Variants in GPHN observed in about 807,000 individuals in gnomAD.
GPHN encodes gephyrin.
A neutral mutation model predicts 95.5 loss-of-function variants in GPHN; 17 were observed. The observed-to-expected ratio is 0.18, with a 90% CI of 0.12 to 0.27. GPHN has a LOEUF of 0.27. Among genes scored for constraint, GPHN ranks in the 10% least tolerant of loss-of-function variants. The probability of loss-of-function intolerance (pLI) is 1.00; values close to 1 mark genes in which losing one functional copy is unlikely to be tolerated. For synonymous variants in GPHN, 320 were observed against 322.5 expected (o/e 0.99, Z 0.08); for missense variants, 660 against 978.1 (o/e 0.67, Z 4.34).
intron 9 of GPHN, among the ~76,000 whole-genome samples, chr14:67,010,039 G>A (rs1594804226): frequency 6.6e-6 from 1 of 151,936 alleles, no homozygotes. Flanking sequence ...GATTACAGAC[G>A]TGAGCCACCA....
chr14:66,678,418 C>T (rs193230603), intron 1 of GPHN, among the ~76,000 whole-genome samples: 15 of 149,622 alleles, frequency 1.0e-4, no homozygotes, highest in East Asian at 3.9e-4. Context: ...TCTTGAGTTC[C>T]GGGATTTCTG....
At chr14:67,392,665 A>T in the GPHN span, 1 of 1,608,744 alleles carries the variant, frequency 6.2e-7, no homozygotes, top group Non-Finnish European at 8.5e-7. Context: ...AACTTACAAA[A>T]GTGTACAGGG....
chr14:67,241,621 G>C, the GPHN span: 1 of 152,548 alleles, frequency 6.6e-6, no homozygotes, highest in Non-Finnish European at 1.5e-5. Flanking sequence ...GGGCGGCCGG[G>C]CTCCCCTTCC....
chr14:66,885,727 A>G (rs1343991655), intron 5 of GPHN, among the ~76,000 whole-genome samples: 2 of 152,050 alleles, frequency 1.3e-5, no homozygotes, highest in African/African-American at 4.8e-5. Context: ...ATATGGGGGA[A>G]TTTAGAAAGT....
the GPHN span, chr14:67,725,980 T>TA: frequency 1.1e-5 from 11 of 1,003,918 alleles, 1 homozygote; most frequent in African/African-American, 9.5e-5. Flanking sequence ...AAAGGGCAAT[T>TA]ATGCAGGTCT....
rs375169045 is a variant in GPHN at position 66,801,807 on chromosome 14, G to GCTCCCTCTCCCT, written c.202-22653_202-22642dup. 4.2e-5 allele frequency among the ~76,000 whole-genome samples: 6 copies of GCTCCCTCTCCCT among 141,590 alleles called. No homozygotes were observed. The East Asian group carries it at 8.4e-4, about 20-fold the overall frequency. The allele number at this position is 141,590 out of a possible 152,430, so 92.9% of individuals were successfully genotyped here. On this transcript the variant is annotated intron_variant, in intron 3 of 22. Coordinates refer to ENST00000478722, the MANE Select transcript of GPHN (RefSeq NM_020806.5). ...ACCATCTATGCCCGCTCCCGCTCCC[G>GCTCCCTCTCCCT]CTCCCTCTCCCTCTCCCTCTCCCTC...
the GPHN span, among the ~76,000 whole-genome samples, chr14:67,237,035 A>G: frequency 6.6e-6 from 1 of 152,064 alleles, no homozygotes; most frequent in Non-Finnish European, 1.5e-5. Flanking sequence ...GGTTGCAGTG[A>G]GCCAAGATCA....
chr14:67,725,968 G>C, the GPHN span: 21 of 928,438 alleles, frequency 2.3e-5, no homozygotes, highest in East Asian at 4.6e-4. Context: ...ATGAACAAAG[G>C]GAAAGGGCAA....
intron 9 of GPHN, among the ~76,000 whole-genome samples, chr14:66,974,745 G>C (rs1239460746): frequency 2.6e-5 from 4 of 152,022 alleles, no homozygotes; most frequent in African/African-American, 7.2e-5. Flanking sequence ...ATTTTGCTAT[G>C]TATCATTCTC....
At chr14:67,601,435 C>T in the GPHN span, among the ~76,000 whole-genome samples, 1 of 152,144 alleles carries the variant, frequency 6.6e-6, no homozygotes, top group Non-Finnish European at 1.5e-5. Context: ...AGTTCTGTCT[C>T]CCAAATGACT....
the GPHN span, among the ~76,000 whole-genome samples, chr14:67,532,064 CCCCACGAG>C: frequency 6.6e-6 from 1 of 152,180 alleles, no homozygotes; most frequent in South Asian, 2.1e-4. Context: ...CTATCCCAAT[CCCCACGAG>C]CTATAAAGCT....
At chr14:66,691,446 G>C (rs2153407148) in intron 2 of GPHN, among the ~76,000 whole-genome samples, 1 of 152,180 alleles carries the variant, frequency 6.6e-6, no homozygotes, top group Non-Finnish European at 1.5e-5. Flanking sequence ...GCCTCCCAAA[G>C]TGCTGGGATT....
chr14:66,562,953 G>C (rs1023089481), intron 1 of GPHN, among the ~76,000 whole-genome samples: 2 of 151,932 alleles, frequency 1.3e-5, no homozygotes, highest in African/African-American at 4.8e-5. Context: ...TGCGAAAGTG[G>C]CGTATTTTGG....
At chr14:66,822,456 G>A (rs929684457) in intron 3 of GPHN, among the ~76,000 whole-genome samples, 1 of 152,146 alleles carries the variant, frequency 6.6e-6, no homozygotes, top group African/African-American at 2.4e-5. Flanking sequence ...TTAAAGCTCC[G>A]CAGATAATTC....
At chr14:67,674,838 G>A in the GPHN span, 1 of 181,056 alleles carries the variant, frequency 5.5e-6, no homozygotes, top group African/African-American at 2.3e-5. Context: ...AGGGGCCTAG[G>A]GGACCTGCGG....
intron 18 of GPHN, among the ~76,000 whole-genome samples, chr14:67,147,099 T>C (rs991891286): frequency 6.6e-6 from 1 of 152,162 alleles, no homozygotes; most frequent in African/African-American, 2.4e-5. Context: ...AAATTTTCTT[T>C]AATATTTCAT....
the GPHN span, among the ~76,000 whole-genome samples, chr14:67,326,950 A>G: frequency 0.32 from 47,962 of 151,934 alleles, 11,653 homozygotes; most frequent in African/African-American, 0.65. Context: ...CGAGGCGGGC[A>G]GATCACTTGA....
chr14:67,475,540 C>T, the GPHN span, among the ~76,000 whole-genome samples: 14 of 152,184 alleles, frequency 9.2e-5, no homozygotes, highest in Admixed American at 2.6e-4. Context: ...TCTCCACATC[C>T]ACCCCAAACA....
chr14:67,676,787 C>T, the GPHN span: 1 of 152,086 alleles, frequency 6.6e-6, no homozygotes, highest in African/African-American at 2.4e-5. Context: ...TAATAATGAA[C>T]AGTGTTTTCT....
Sources: gnomAD v4.1 joint callset for allele counts (sites outside exome capture counted in the v4.1 genomes callset) on GRCh38, gnomAD v4.1.1 for gene constraint, MANE v1.5 for transcripts, NCBI Gene and HGNC (gene_info 2026-07-23, HGNC 2026-07-21) for gene names.